WWOX: variants seen among roughly 807,000 people sequenced by gnomAD.
The protein encoded by WWOX is WW domain containing oxidoreductase.
A neutral mutation model predicts 46.2 loss-of-function variants in WWOX; 69 were observed. That is an observed-to-expected ratio of 1.49 (90% CI 1.23 to 1.82). WWOX has a LOEUF of 1.82. Among genes scored for constraint, WWOX ranks in the 40% most tolerant of loss-of-function variants. The pLI is 0.00. For missense variants in WWOX, 919 were observed against 542.6 expected (o/e 1.69, Z -6.89); for synonymous variants, 359 against 202.6 (o/e 1.77, Z -6.56).
At chr16:78,755,834 G>A (rs1423809972) in intron 8 of WWOX, among the ~76,000 whole-genome samples, 1 of 152,190 alleles carries the variant, frequency 6.6e-6, no homozygotes, top group Non-Finnish European at 1.5e-5. Context: ...GGGTCTACAA[G>A]TAACCACCCC....
chr16:79,103,412 A>G (rs2150636478), intron 8 of WWOX, among the ~76,000 whole-genome samples: 1 of 152,312 alleles, frequency 6.6e-6, no homozygotes, highest in South Asian at 2.1e-4. Context: ...CATTAGTGGG[A>G]AATGTTTAGG....
rs544122878 is a variant in WWOX, at chr16:79,125,409, C to T, written c.1057-86199C>T. ...AGAATTTGGGATGTGCAAAATAAGC[C>T]TTTGAAGAGAGTGCATTATCTGAAG... On this transcript the variant is annotated intron_variant, in intron 8 of 8. Transcript: ENST00000566780. Among the ~76,000 whole-genome samples the T allele has an allele frequency of 5.5e-4, 84 of 152,316 alleles. 1 individual carries two copies. The highest frequency in any genetic ancestry group is 2.0e-3 in the African/African-American group (83 of 41,574).
At chr16:78,683,347 G>A (rs1231834958) in intron 8 of WWOX, among the ~76,000 whole-genome samples, 3 of 151,564 alleles carry the variant, frequency 2.0e-5, no homozygotes, top group Admixed American at 2.0e-4. Flanking sequence ...AGACCAGCCT[G>A]GGCAACAAGG....
At chr16:78,773,141 G>T (rs867965922) in intron 8 of WWOX, among the ~76,000 whole-genome samples, 21 of 152,178 alleles carry the variant, frequency 1.4e-4, no homozygotes, top group African/African-American at 3.6e-4. Flanking sequence ...GAGGGCAGGG[G>T]ACTTTGACGA....
intron 4 of WWOX, among the ~76,000 whole-genome samples, chr16:78,158,725 C>G (rs2034685550): frequency 6.6e-6 from 1 of 151,992 alleles, no homozygotes; most frequent in South Asian, 2.1e-4. Context: ...TTAAAAACAA[C>G]TTTATTGAGG....
At position 79,211,903 on chromosome 16, in the gene WWOX, G is replaced by T; in HGVS notation, c.*107G>T. 1 of 1,556,600 alleles carries T rather than the reference G, an allele frequency of 6.4e-7. No individual in the cohort carries two copies. The highest frequency in any genetic ancestry group is 1.4e-5 in the African/African-American group (1 of 73,724). On this transcript the variant is annotated 3_prime_UTR_variant, in exon 9 of 9. Coordinates refer to ENST00000566780, the MANE Select transcript of WWOX (RefSeq NM_016373.4). ...ATGTCCCTCCAACACAGATCCGCAAGAGTAAAGGAAATAAGAGCAGTCACA... is the reference window on the plus strand; with the variant it reads ...ATGTCCCTCCAACACAGATCCGCAATAGTAAAGGAAATAAGAGCAGTCACA...
At chr16:78,331,710 C>T (rs1452574139) in intron 5 of WWOX, among the ~76,000 whole-genome samples, 1 of 152,108 alleles carries the variant, frequency 6.6e-6, no homozygotes, top group Non-Finnish European at 1.5e-5. Context: ...TCCTGATACA[C>T]ACATTCTTAA....
intron 8 of WWOX, among the ~76,000 whole-genome samples, chr16:78,569,271 T>G (rs1597282305): frequency 1.3e-5 from 2 of 152,222 alleles, no homozygotes; most frequent in Admixed American, 6.5e-5. Context: ...TTAAAACAAG[T>G]AGATGCATTT....
rs186189907 is a variant in WWOX, at chr16:78,495,709, A to G, written c.1056+62957A>G. ...TTTTTAGTAGAGCCGGGGTTTCACC[A>G]TGTTGGCCAGGGTGGTCTCGAACTC... is the stretch of plus-strand genomic sequence containing the variant. On this transcript the variant is annotated intron_variant, in intron 8 of 8. Transcript: ENST00000566780. Among the ~76,000 whole-genome samples, 1,276 of 151,802 alleles carry G rather than the reference A, an allele frequency of 8.4e-3. 17 individuals carry two copies. The highest frequency in any genetic ancestry group is 9.2e-3 in the Non-Finnish European group (623 of 67,938).
chr16:79,030,490 C>T (rs1160580394), intron 8 of WWOX, among the ~76,000 whole-genome samples: 2 of 152,138 alleles, frequency 1.3e-5, no homozygotes, highest in African/African-American at 2.4e-5. Flanking sequence ...CTTAAGGTTC[C>T]CACAGAAACT....
At chr16:78,634,818 G>C (rs929710969) in intron 8 of WWOX, among the ~76,000 whole-genome samples, 10 of 102,364 alleles carry the variant, frequency 9.8e-5, no homozygotes, top group East Asian at 4.5e-4. Flanking sequence ...ACTGGAGAGA[G>C]AGAGAGAGAG....
At chr16:78,724,264 A>G (rs1480933492) in intron 8 of WWOX, among the ~76,000 whole-genome samples, 2 of 152,188 alleles carry the variant, frequency 1.3e-5, no homozygotes, top group Non-Finnish European at 2.9e-5. Flanking sequence ...CCAGCAATGA[A>G]AAAAGCCCCA....
At chr16:79,107,170 A>T (rs1207042430) in intron 8 of WWOX, among the ~76,000 whole-genome samples, 2 of 152,068 alleles carry the variant, frequency 1.3e-5, no homozygotes, top group African/African-American at 4.8e-5. Context: ...TCAACTCCTG[A>T]GCTCAAGTGA....
chr16:78,768,427 T>C (rs977129712), intron 8 of WWOX, among the ~76,000 whole-genome samples: 1 of 151,904 alleles, frequency 6.6e-6, no homozygotes, highest in Non-Finnish European at 1.5e-5. Context: ...CGCTCTCTAC[T>C]AAAAATACAA....
intron 8 of WWOX, among the ~76,000 whole-genome samples, chr16:78,457,452 A>G (rs559718572): frequency 6.6e-6 from 1 of 152,284 alleles, no homozygotes; most frequent in African/African-American, 2.4e-5. Context: ...GCGAAGGTGA[A>G]TTTCACCAAT....
intron 8 of WWOX, among the ~76,000 whole-genome samples, chr16:78,855,730 G>A (rs1348310988): frequency 6.6e-6 from 1 of 152,188 alleles, no homozygotes; most frequent in African/African-American, 2.4e-5. Context: ...GGAGAGAGAC[G>A]CACCACCTCT....
At chr16:78,106,937 G>A (rs371190167) in intron 1 of WWOX, among the ~76,000 whole-genome samples, 42 of 152,314 alleles carry the variant, frequency 2.8e-4, no homozygotes, top group African/African-American at 8.7e-4. Context: ...GGTCTTCAGC[G>A]TGCTGAGTGA....
chr16:78,827,550 G>C (rs1370869685), intron 8 of WWOX, among the ~76,000 whole-genome samples: 1 of 152,072 alleles, frequency 6.6e-6, no homozygotes, highest in East Asian at 1.9e-4. Flanking sequence ...AGAGAAAAAG[G>C]GGCTGGGTGT....
chr16:78,309,991 G>C (rs965737611), intron 5 of WWOX, among the ~76,000 whole-genome samples: 4 of 152,054 alleles, frequency 2.6e-5, no homozygotes, highest in Non-Finnish European at 4.4e-5. Flanking sequence ...GCATTAATAC[G>C]CATTTAGTTA....
Sources: gnomAD v4.1 joint callset for allele counts (sites outside exome capture counted in the v4.1 genomes callset) on GRCh38, gnomAD v4.1.1 for gene constraint, MANE v1.5 for transcripts, NCBI Gene and HGNC (gene_info 2026-07-23, HGNC 2026-07-21) for gene names.